The following DNAJB6 variants were observed in gnomAD, a reference collection of about 807,000 sequenced individuals.
DNAJB6 encodes the protein DnaJ heat shock protein family (Hsp40) member B6, also known as dnaJ homolog subfamily B member 6.
A neutral mutation model predicts 42.7 loss-of-function variants in DNAJB6; 16 were observed. That is an observed-to-expected ratio of 0.37 (90% CI 0.25 to 0.57). The LOEUF is 0.57. Ranked by LOEUF, DNAJB6 falls within the 20% of genes least tolerant of loss-of-function variation. The pLI is 0.74. For synonymous variants in DNAJB6, 170 were observed against 163.5 expected (o/e 1.04, Z -0.30); for missense variants, 347 against 416.8 (o/e 0.83, Z 1.46).
intron 6 of DNAJB6, chr7:157,382,617 T>A: frequency 3.4e-6 from 1 of 295,340 alleles, no homozygotes; most frequent in Admixed American, 5.1e-5. Context: ...AAGGCCAGAA[T>A]GTAATGAAAT....
intron 9 of DNAJB6, among the ~76,000 whole-genome samples, 187 bp from the exon 10 acceptor site, chr7:157,415,829 A>T (rs777700844): frequency 1.3e-4 from 20 of 152,182 alleles, no homozygotes; most frequent in Non-Finnish European, 2.8e-4. Context: ...CTCTCTGGGT[A>T]GTGTGAGCAG....
intron 8 of DNAJB6, among the ~76,000 whole-genome samples, chr7:157,391,455 C>T (rs1801338709): frequency 6.6e-6 from 1 of 152,248 alleles, no homozygotes; most frequent in Non-Finnish European, 1.5e-5. Flanking sequence ...GGTCCCTGCA[C>T]AGATGAATTG....
intron 5 of DNAJB6, chr7:157,378,514 A>G (rs1800587582): frequency 6.6e-6 from 1 of 152,140 alleles, no homozygotes; most frequent in South Asian, 2.1e-4. Context: ...CACGCGCTGT[A>G]TGGTTGTGCG....
chr7:157,357,191 T>C (rs1799322927), intron 1 of DNAJB6, among the ~76,000 whole-genome samples: 1 of 148,180 alleles, frequency 6.7e-6, no homozygotes, highest in African/African-American at 2.5e-5. Context: ...AGATGTGTCT[T>C]TGTGGCTTTG....
intron 5 of DNAJB6, among the ~76,000 whole-genome samples, chr7:157,373,160 G>C (rs959853206): frequency 6.6e-6 from 1 of 152,174 alleles, no homozygotes; most frequent in Non-Finnish European, 1.5e-5. Context: ...TAAAGAGCCT[G>C]TTCCCAGTAA....
intron 1 of DNAJB6, among the ~76,000 whole-genome samples, chr7:157,348,751 G>A (rs1300724162): frequency 1.3e-5 from 2 of 152,034 alleles, no homozygotes; most frequent in Non-Finnish European, 2.9e-5. Flanking sequence ...AAATTCTTCA[G>A]TTGCGCCCTG....
At chr7:157,412,541 T>C (rs979090917) in intron 9 of DNAJB6, 3 of 152,238 alleles carry the variant, frequency 2.0e-5, no homozygotes, top group Admixed American at 2.0e-4. Context: ...GTTTGCTGCA[T>C]TTCTGCGTCA....
chr7:157,410,118 G>T, intron 9 of DNAJB6, 117 bp downstream of exon 9: 1 of 1,417,344 alleles, frequency 7.1e-7, no homozygotes, highest in Non-Finnish European at 9.2e-7. Context: ...AGCGGGCGTG[G>T]GCGGTCGGGC....
intron 8 of DNAJB6, among the ~76,000 whole-genome samples, chr7:157,391,694 C>G (rs1240888742): frequency 6.6e-6 from 1 of 152,246 alleles, no homozygotes; most frequent in African/African-American, 2.4e-5. Flanking sequence ...TATTGATGTC[C>G]TTTTCCACAT....
Position 157,351,658 on chromosome 7 carries a change from CAACA to C in DNAJB6, c.-26-6886_-26-6883del, listed in dbSNP as rs869061642. 7.9e-3 allele frequency among the ~76,000 whole-genome samples: 273 copies of C among 34,722 alleles called. 2 individuals are homozygous for C. Among genetic ancestry groups the C allele is most frequent in the East Asian group, 0.037 (18 of 482 alleles). The allele number at this position is 34,722 out of a possible 152,430, so 22.8% of individuals were successfully genotyped here. A position where few individuals can be genotyped will look rare whatever the true frequency, so the allele number is the denominator to read the frequency against. ...AAAACAACAACAACAACAACAACAA[CAACA>C]AAAAAAACCACAAAACTTGTTTGGC... On this transcript the variant is annotated intron_variant, in intron 1 of 9. Coordinates refer to ENST00000262177, the MANE Select transcript of DNAJB6 (RefSeq NM_058246.4).
chr7:157,400,895 C>A (rs1801829201), intron 8 of DNAJB6, among the ~76,000 whole-genome samples: 1 of 152,214 alleles, frequency 6.6e-6, no homozygotes, highest in African/African-American at 2.4e-5. Flanking sequence ...CAGCCCTTGG[C>A]TTGTTTCTGT....
intron 1 of DNAJB6, among the ~76,000 whole-genome samples, chr7:157,339,009 T>G (rs2116828632): frequency 6.6e-6 from 1 of 152,278 alleles, no homozygotes; most frequent in Admixed American, 6.5e-5. Flanking sequence ...GATATGAAAG[T>G]GTTAGGTTTG....
At position 157,416,190 on chromosome 7, in the gene DNAJB6, G is replaced by C; in HGVS notation, c.*92G>C. 1 of 1,542,666 alleles carries C rather than the reference G, an allele frequency of 6.5e-7. No individual in the cohort carries two copies. The highest frequency in any genetic ancestry group is 2.0e-5 in the Admixed American group (1 of 51,036). Reference sequence around the variant, plus strand: ...GCACACGCGCTAGGTAGCAGCGTCGGTCAGGACTGTCTCGAGGCCACACTC... The same window carrying C: ...GCACACGCGCTAGGTAGCAGCGTCGCTCAGGACTGTCTCGAGGCCACACTC... On this transcript the variant is annotated 3_prime_UTR_variant, in exon 10 of 10. Coordinates refer to ENST00000262177, the MANE Select transcript of DNAJB6 (RefSeq NM_058246.4).
At chr7:157,346,871 C>T (rs6459766) in intron 1 of DNAJB6, among the ~76,000 whole-genome samples, 82,765 of 151,924 alleles carry the variant, frequency 0.54, 22,807 homozygotes, top group East Asian at 0.76. Flanking sequence ...TTCTTGTTTT[C>T]TTGAGATGGA....
intron 5 of DNAJB6, chr7:157,368,747 C>T (rs6960774): frequency 1.3e-5 from 2 of 158,874 alleles, no homozygotes; most frequent in Non-Finnish European, 2.8e-5. Flanking sequence ...TTGTTTTTGT[C>T]TTTTGACTTA....
At chr7:157,366,651 T>G in intron 4 of DNAJB6, 90 bp downstream of exon 4, 1 of 1,242,226 alleles carries the variant, frequency 8.1e-7, no homozygotes. Flanking sequence ...AGAGTCGATT[T>G]TGTATCAGTA....
At chr7:157,410,120 C>T (rs1795922377) in intron 9 of DNAJB6, 119 bp downstream of exon 9, 5 of 1,414,806 alleles carry the variant, frequency 3.5e-6, no homozygotes, top group Non-Finnish European at 4.6e-6. Flanking sequence ...CGGGCGTGGG[C>T]GGTCGGGCGG....
intron 8 of DNAJB6, among the ~76,000 whole-genome samples, chr7:157,399,657 ATC>A (rs750339088): frequency 1.3e-5 from 2 of 151,806 alleles, no homozygotes; most frequent in Non-Finnish European, 2.9e-5. Flanking sequence ...ATATCTATAT[ATC>A]TCTCTCTCTA....
rs375236523 is a variant in DNAJB6, at chr7:157,415,933, G to T, written c.899-83G>T. On this transcript the variant is annotated intron_variant, in intron 9 of 9. Transcript: ENST00000262177. Reference sequence around the variant, plus strand: ...TTGTTGCTTTTTGTTCTTAACATGGGGAGATATTTAGAAAACATGTTTGGC... The same window carrying T: ...TTGTTGCTTTTTGTTCTTAACATGGTGAGATATTTAGAAAACATGTTTGGC... The T allele has an allele frequency of 1.4e-5, 22 of 1,603,056 alleles. No homozygotes were observed. The African/African-American group carries it at 2.4e-4, about 18-fold the overall frequency.
Sources: allele counts gnomAD v4.1 joint callset (sites outside exome capture counted in the v4.1 genomes callset), GRCh38; gene constraint gnomAD v4.1.1; transcripts MANE v1.5; gene names NCBI Gene and HGNC (gene_info 2026-07-23, HGNC 2026-07-21).